USP43: variants seen among roughly 807,000 people sequenced by gnomAD.
USP43 encodes ubiquitin carboxyl-terminal hydrolase 43.
A neutral mutation model predicts 90.7 loss-of-function variants in USP43; 33 were observed. The observed-to-expected ratio is 0.36, with a 90% CI of 0.28 to 0.49. USP43 has a LOEUF of 0.49. USP43 is among the 20% of genes least tolerant of loss of function. The pLI is 0.98. For missense variants in USP43, 1,274 were observed against 1,476.4 expected, an observed-to-expected ratio of 0.86 and a Z score of 2.25; for synonymous variants, 598 against 615.8, an observed-to-expected ratio of 0.97 and a Z score of 0.43.
chr17:9,722,934 G>C (rs539359293), intron 14 of USP43, among the ~76,000 whole-genome samples: 2 of 152,308 alleles, frequency 1.3e-5, no homozygotes, highest in East Asian at 3.9e-4. Flanking sequence ...ACAGTACATG[G>C]ATTGCAGTGT....
intron 12 of USP43, among the ~76,000 whole-genome samples, chr17:9,705,528 G>A (rs112870355): frequency 1.1e-4 from 17 of 152,230 alleles, no homozygotes; most frequent in African/African-American, 3.9e-4. Context: ...GCTGAGGCAG[G>A]CAGATCACTT....
chr17:9,681,650 C>T (rs183284824), intron 6 of USP43, among the ~76,000 whole-genome samples: 147 of 150,432 alleles, frequency 9.8e-4, no homozygotes, highest in African/African-American at 3.0e-3. Context: ...TCTGCCACCA[C>T]GCTTGGCTAG....
intron 2 of USP43, among the ~76,000 whole-genome samples, chr17:9,661,712 A>C (rs1373673144): frequency 6.6e-6 from 1 of 152,178 alleles, no homozygotes; most frequent in Non-Finnish European, 1.5e-5. Context: ...ATGTAGAGTG[A>C]GACTCAGAGA....
intron 8 of USP43, among the ~76,000 whole-genome samples, chr17:9,692,338 G>A (rs925808453): frequency 1.3e-5 from 2 of 152,138 alleles, no homozygotes; most frequent in African/African-American, 4.8e-5. Flanking sequence ...CAGCCTGGGC[G>A]ACAGAGTGAG....
chr17:9,645,424 C>G (rs1911290238), upstream of USP43: 2 of 323,252 alleles, frequency 6.2e-6, no homozygotes, highest in South Asian at 2.9e-4. This position sits in a 1 kb window ranked among gnomAD's most constrained non-coding sequence, Gnocchi z 6.8. Flanking sequence ...AGGGGTGGCC[C>G]GGCGCTGCCC....
intron 9 of USP43, among the ~76,000 whole-genome samples, chr17:9,696,749 A>G (rs1481176444): frequency 6.6e-6 from 1 of 152,240 alleles, no homozygotes; most frequent in East Asian, 1.9e-4. Flanking sequence ...CCCACGGGAT[A>G]AAGTCCACAC....
intron 14 of USP43, among the ~76,000 whole-genome samples, chr17:9,722,431 A>T (rs1325033736): frequency 6.6e-6 from 1 of 152,184 alleles, no homozygotes; most frequent in Non-Finnish European, 1.5e-5. Context: ...CCTTCAGTCC[A>T]TGCCGATGTA....
intron 1 of USP43, among the ~76,000 whole-genome samples, chr17:9,649,960 G>C (rs973600386): frequency 1.3e-5 from 2 of 151,962 alleles, no homozygotes; most frequent in African/African-American, 4.8e-5. Context: ...AAAAATTTTA[G>C]CCATCTGGAA....
intron 6 of USP43, among the ~76,000 whole-genome samples, chr17:9,680,754 G>T (rs761011594): frequency 2.6e-5 from 4 of 152,028 alleles, no homozygotes; most frequent in Non-Finnish European, 5.9e-5. Context: ...AGATGCTGGA[G>T]TCATCTTTGC....
rs371815445 is a variant in USP43, at chr17:9,729,057, A to G, written c.*67A>G. 17 of 1,396,606 alleles carry G rather than the reference A, an allele frequency of 1.2e-5. No homozygotes were observed. Among genetic ancestry groups the G allele is most frequent in the Middle Eastern group, 1.9e-4 (1 of 5,184 alleles). The allele number at this position is 1,396,606 out of a possible 1,614,324, so 86.5% of individuals were successfully genotyped here. ...TTTGCCAAGCAACTGTAGGCAGCTC[A>G]TGTTGAGAATGGGTTTCCAGGAAAC... is the stretch of plus-strand genomic sequence containing the variant. On this transcript the variant is annotated 3_prime_UTR_variant, in exon 15 of 15. Transcript: ENST00000285199.
intron 14 of USP43, among the ~76,000 whole-genome samples, chr17:9,725,616 G>A (rs1472656360): frequency 6.6e-6 from 1 of 152,186 alleles, no homozygotes; most frequent in Non-Finnish European, 1.5e-5. Flanking sequence ...AAGATAACAG[G>A]GGTACTTTTT....
intron 7 of USP43, among the ~76,000 whole-genome samples, chr17:9,685,027 C>T (rs914260535): frequency 1.8e-4 from 27 of 152,040 alleles, no homozygotes; most frequent in Non-Finnish European, 3.1e-4. Context: ...AGGTTATGTC[C>T]AAGGTTATAT....
chr17:9,667,940 A>C lies in USP43; in HGVS notation c.740+1189A>C, dbSNP rs1018309217. ...GGGAAGTTGGGCTTTTTCTACAGAC[A>C]CATGGTAAGTGGCAGAACCAGGATT... is the stretch of plus-strand genomic sequence containing the variant. On this transcript the variant is annotated intron_variant, in intron 3 of 14. Transcript: ENST00000285199. 3.3e-5 allele frequency among the ~76,000 whole-genome samples: 5 copies of C among 152,306 alleles called. No homozygotes were observed. The East Asian group carries it at 5.8e-4, about 18-fold the overall frequency.
chr17:9,657,401 G>A (rs907998464), intron 2 of USP43, among the ~76,000 whole-genome samples: 17 of 151,902 alleles, frequency 1.1e-4, no homozygotes, highest in Admixed American at 1.0e-3. Context: ...CAGCTACTCG[G>A]GAGGCTGAGG....
rs553668045 is a variant in USP43 at position 9,679,986 on chromosome 17, G to C, written c.970-245G>C. 2.7e-5 allele frequency among the ~76,000 whole-genome samples: 4 copies of C among 148,404 alleles called. No individual in the cohort carries two copies. The South Asian group carries it at 8.8e-4, about 33-fold the overall frequency. On this transcript the variant is annotated intron_variant, in intron 5 of 14. Transcript: ENST00000285199. ...CTTTATTTTGTTGTCATTTTTCTAT[G>C]CTTGTTTAGCTGGGTATAAAACTTA...
Position 9,724,329 on chromosome 17 carries a change from C to G in USP43, c.2336-3625C>G, listed in dbSNP as rs569952412. ...GGGTAGGCTTGTCCCAGGTTGCACT[C>G]TGACCTCCACGTGGAAATGGTCATC... On this transcript the variant is annotated intron_variant, in intron 14 of 14. Coordinates refer to ENST00000285199, the MANE Select transcript of USP43 (RefSeq NM_153210.5). Among the ~76,000 whole-genome samples, 4 of 152,300 alleles carry G rather than the reference C, an allele frequency of 2.6e-5. No homozygotes were observed. The South Asian group carries it at 8.3e-4, about 32-fold the overall frequency.
Position 9,728,147 on chromosome 17 carries a change from G to A in USP43, c.2529G>A (p.Arg843=). ...VEYLESRRRP[R]STSQSIVSLL... is the part of the protein sequence containing the mutation. Reference sequence around the variant, plus strand: ...ACTTGGAATCCAGACGAAGACCTCGGTCCACGAGCCAGTCCATTGTGTCGC... The same window carrying A: ...ACTTGGAATCCAGACGAAGACCTCGATCCACGAGCCAGTCCATTGTGTCGC... The change falls in exon 15 of 15, where the codon CGG becomes CGA. Residue 843 remains arginine (R), a synonymous_variant. Coordinates refer to ENST00000285199, the MANE Select transcript of USP43 (RefSeq NM_153210.5). The surrounding 1 kb of genome is among the most constrained non-coding windows in gnomAD (Gnocchi z 6.2). 1 of 1,613,872 alleles carries A rather than the reference G, an allele frequency of 6.2e-7. No individual in the cohort carries two copies. Among genetic ancestry groups the A allele is most frequent in the Non-Finnish European group, 8.5e-7 (1 of 1,179,876 alleles).
Position 9,676,860 on chromosome 17 carries a change from A to G in USP43, c.948A>G (p.Glu316=), listed in dbSNP as rs1221063573. Residue 316 remains glutamate, a synonymous_variant, in exon 5 of 15, where the codon GAA becomes GAG. Transcript: ENST00000285199. ...CCCTGAGGAAGATGGTTGCAGAGGA[A>G]GGAGGCGTCCCTGCAGATGAGGTGT... ...VAALRKMVAE[E]GGVPADEVIL... is the part of the protein sequence containing the mutation. The G allele has an allele frequency of 6.2e-7, 1 of 1,613,886 alleles. No homozygotes were observed. Among genetic ancestry groups the G allele is most frequent in the Admixed American group, 1.7e-5 (1 of 60,006 alleles).
chr17:9,713,024 A>G (rs1038876820), intron 14 of USP43, among the ~76,000 whole-genome samples: 6 of 152,096 alleles, frequency 3.9e-5, no homozygotes, highest in African/African-American at 1.4e-4. Flanking sequence ...AATATACAAT[A>G]TATTGTTGGT....
Sources: gnomAD v4.1 joint callset for allele counts (sites outside exome capture counted in the v4.1 genomes callset) on GRCh38, gnomAD v4.1.1 for gene constraint, Gnocchi (gnomAD v3.1) non-coding constraint, MANE v1.5 for transcripts, NCBI Gene and HGNC (gene_info 2026-07-23, HGNC 2026-07-21) for gene names.